Variants in ATP11A observed in about 807,000 individuals in gnomAD.
ATP11A encodes ATPase phospholipid transporting 11A.
In ATP11A, 81 loss-of-function variants were observed where a neutral mutation model predicts 154.4. That is an observed-to-expected ratio of 0.52 (90% CI 0.44 to 0.63). The LOEUF (loss-of-function observed/expected upper bound fraction) is 0.63. ATP11A is among the 30% of genes least tolerant of loss of function. The pLI is 0.00. For missense variants in ATP11A, 1,316 were observed against 1,474.3 expected (o/e 0.89, Z 1.76); for synonymous variants, 623 against 585.9 (o/e 1.06, Z -0.91).
At chr13:112,779,183 G>A (rs1400423757) in intron 1 of ATP11A, among the ~76,000 whole-genome samples, 7 of 138,252 alleles carry the variant, frequency 5.1e-5, no homozygotes, top group East Asian at 2.3e-4. Flanking sequence ...ACGAGTAGCC[G>A]CTGGAGTGAG....
chr13:112,758,263 T>C (rs1322250317), intron 1 of ATP11A, among the ~76,000 whole-genome samples: 1 of 151,828 alleles, frequency 6.6e-6, no homozygotes, highest in Non-Finnish European at 1.5e-5. Context: ...GGTTTCACCA[T>C]GTTGGCCAGG....
At chr13:112,748,309 G>A (rs1200431239) in intron 1 of ATP11A, among the ~76,000 whole-genome samples, 1 of 152,176 alleles carries the variant, frequency 6.6e-6, no homozygotes, top group African/African-American at 2.4e-5. Flanking sequence ...TCTAACTTTG[G>A]CGATCATGTA....
rs1353080645 is a variant in ATP11A, at chr13:112,805,117, C to A, written c.252+71C>A. On this transcript the variant is annotated intron_variant, in intron 3 of 29. Transcript: ENST00000375645. ...TAAGTGACATTTTATTCTCAGGTAA[C>A]TGCCACACGGCTAATGAAAGAGCAA... The A allele has an allele frequency of 5.4e-6, 6 of 1,119,680 alleles. No homozygotes were observed. In the East Asian group the frequency reaches 1.5e-4, roughly 27 times the overall value. 69.4% of individuals were successfully genotyped at this position (1,119,680 alleles called of 1,614,324 possible). A position where few individuals can be genotyped will look rare whatever the true frequency, so the allele number is the denominator to read the frequency against.
chr13:112,838,173 C>A lies in ATP11A; in HGVS notation c.1705+1922C>A, dbSNP rs149439632. ...CAGGGTCTGAGAACAGGTTCAGATG[C>A]GCGAGACTTCTGTGTGTCAGAACCC... On this transcript the variant is annotated intron_variant, in intron 16 of 29. Transcript: ENST00000375645. The surrounding 1 kb of genome is among the most constrained non-coding windows in gnomAD (Gnocchi z 7.3). 6.6e-6 allele frequency among the ~76,000 whole-genome samples: 1 copy of A among 152,144 alleles called. No individual in the cohort carries two copies. The highest frequency in any genetic ancestry group is 1.5e-5 in the Non-Finnish European group (1 of 68,028).
intron 1 of ATP11A, among the ~76,000 whole-genome samples, chr13:112,766,627 A>AAGGGGG (rs1314971641): frequency 5.9e-5 from 9 of 152,014 alleles, no homozygotes; most frequent in Admixed American, 2.6e-4. Flanking sequence ...AGGGAAGGGG[A>AAGGGGG]AGGGGGAGGG....
intron 22 of ATP11A, chr13:112,858,811 A>G (rs949153488): frequency 6.2e-6 from 1 of 161,190 alleles, no homozygotes; most frequent in Non-Finnish European, 1.4e-5. Flanking sequence ...TATTATAGTT[A>G]TTCTATGTTT....
chr13:112,869,730 A>G (rs897887217), intron 25 of ATP11A, among the ~76,000 whole-genome samples: 9 of 152,216 alleles, frequency 5.9e-5, no homozygotes, highest in Non-Finnish European at 1.2e-4. Context: ...TGAAAGCATC[A>G]GCTTCCAGTT....
chr13:112,792,033 G>A (rs1039483186), intron 2 of ATP11A, among the ~76,000 whole-genome samples: 5 of 152,176 alleles, frequency 3.3e-5, no homozygotes, highest in Non-Finnish European at 5.9e-5. Flanking sequence ...GACAGAAGGG[G>A]GCTCTCAAAT....
In ATP11A at chr13:112,720,470, C is replaced by T. The variant is rs542747933; in HGVS notation, c.39+30015C>T. Among the ~76,000 whole-genome samples, 7 of 152,318 alleles carry T rather than the reference C, an allele frequency of 4.6e-5. No homozygotes were observed. The South Asian group carries it at 6.2e-4, about 14-fold the overall frequency. On this transcript the variant is annotated intron_variant, in intron 1 of 29. Coordinates refer to ENST00000375645, the MANE Select transcript of ATP11A (RefSeq NM_015205.3). ...CGTTCACCTTCGTCTGCTGTGGCCG[C>T]GGGTCCCGTGAGCCTGGGTTGAGGC...
At chr13:112,727,106 A>G (rs1400304797) in intron 1 of ATP11A, among the ~76,000 whole-genome samples, 1 of 152,166 alleles carries the variant, frequency 6.6e-6, no homozygotes, top group African/African-American at 2.4e-5. Context: ...GGAGTGCAGC[A>G]GCACAATCTG....
At chr13:112,705,344 G>T (rs1303962727) in intron 1 of ATP11A, among the ~76,000 whole-genome samples, 1 of 151,416 alleles carries the variant, frequency 6.6e-6, no homozygotes, top group East Asian at 1.9e-4. Context: ...TGGGATTCTC[G>T]TAGGGGAGGG....
intron 1 of ATP11A, among the ~76,000 whole-genome samples, chr13:112,712,868 T>C (rs951237075): frequency 2.0e-5 from 3 of 152,218 alleles, no homozygotes; most frequent in African/African-American, 7.2e-5. Context: ...TGGTGTTTGC[T>C]GAACACAAAG....
In ATP11A at chr13:112,697,087, G is replaced by A. The variant is rs1025203367; in HGVS notation, c.39+6632G>A. 3.9e-5 allele frequency among the ~76,000 whole-genome samples: 6 copies of A among 152,298 alleles called. No homozygotes were observed. Among genetic ancestry groups the A allele is most frequent in the Non-Finnish European group, 7.4e-5 (5 of 68,002 alleles). On this transcript the variant is annotated intron_variant, in intron 1 of 29. Transcript: ENST00000375645. The surrounding 1 kb of genome is among the most constrained non-coding windows in gnomAD (Gnocchi z 4.0). The stretch of plus-strand genomic sequence containing the variant: ...TGAGGGCCTGGCCAGGTGGGTGCCT[G>A]CGTGTCCAGCCTGAGGGGCGGCCCA...
intron 1 of ATP11A, among the ~76,000 whole-genome samples, chr13:112,768,374 C>T (rs9603946): frequency 0.21 from 31,739 of 152,194 alleles, 3,965 homozygotes; most frequent in African/African-American, 0.34. Context: ...TGCACCATCC[C>T]TATGGTGGAG....
chr13:112,714,500 C>G (rs1888202404), intron 1 of ATP11A, among the ~76,000 whole-genome samples: 1 of 152,216 alleles, frequency 6.6e-6, no homozygotes. Flanking sequence ...CTGCCCAGCT[C>G]TGGGCCTCCC....
At chr13:112,768,979 G>A (rs557958252) in intron 1 of ATP11A, among the ~76,000 whole-genome samples, 2 of 152,186 alleles carry the variant, frequency 1.3e-5, no homozygotes, top group African/African-American at 2.4e-5. Context: ...GCACTGTGAC[G>A]TTAGTAACTG....
intron 1 of ATP11A, among the ~76,000 whole-genome samples, chr13:112,742,633 G>A (rs1174463477): frequency 1.3e-5 from 2 of 152,250 alleles, no homozygotes; most frequent in African/African-American, 4.8e-5. Flanking sequence ...TACCTGTGGA[G>A]CGCAACATCG....
chr13:112,830,625 T>G (rs895742238), intron 12 of ATP11A, among the ~76,000 whole-genome samples: 4 of 152,254 alleles, frequency 2.6e-5, no homozygotes, highest in African/African-American at 9.6e-5. Context: ...AAAGCGTTTA[T>G]TCTAAGTTAC....
At chr13:112,693,317 A>T (rs1211357537) in intron 1 of ATP11A, among the ~76,000 whole-genome samples, 2 of 151,448 alleles carry the variant, frequency 1.3e-5, no homozygotes, top group Non-Finnish European at 2.9e-5. Flanking sequence ...GGGGTGATGT[A>T]TGTGCTCTGG....
Sources: gnomAD v4.1 joint callset for allele counts (sites outside exome capture counted in the v4.1 genomes callset) on GRCh38, gnomAD v4.1.1 for gene constraint, Gnocchi (gnomAD v3.1) non-coding constraint, MANE v1.5 for transcripts, NCBI Gene and HGNC (gene_info 2026-07-23, HGNC 2026-07-21) for gene names.